LRRFIP2: variants seen among roughly 807,000 people sequenced by gnomAD.
LRRFIP2 encodes the protein leucine-rich repeat flightless-interacting protein 2.
LRRFIP2 carries 109 observed loss-of-function variants against 125.9 expected under a neutral mutation model. That is an observed-to-expected ratio of 0.87 (90% CI 0.74 to 1.01). LRRFIP2 has a LOEUF of 1.01. LRRFIP2 is among the 50% of genes least tolerant of loss of function. The pLI is 0.00. For synonymous variants in LRRFIP2, 291 were observed against 293.1 expected (o/e 0.99, Z 0.07); for missense variants, 850 against 862.3 (o/e 0.99, Z 0.18).
At position 37,109,652 on chromosome 3, in the gene LRRFIP2, C is replaced by T. The variant is rs1016353020; in HGVS notation, c.564+1G>A. ...CAGAACATTCCTCAGAAAGTACTAA[C>T]CCTGTCACTCTTATATGTTGCCAGA... On this transcript the variant is annotated splice_donor_variant, in intron 10 of 27. Coordinates refer to ENST00000336686, the MANE Select transcript of LRRFIP2 (RefSeq NM_006309.4). LOFTEE classifies it high-confidence loss of function. 3 of 1,614,052 alleles carry T rather than the reference C, an allele frequency of 1.9e-6. No homozygotes were observed. The highest frequency in any genetic ancestry group is 2.5e-6 in the Non-Finnish European group (3 of 1,179,960).
intron 21 of LRRFIP2, among the ~76,000 whole-genome samples, chr3:37,071,618 C>A (rs980580773): frequency 6.6e-6 from 1 of 152,170 alleles, no homozygotes; most frequent in African/African-American, 2.4e-5. Context: ...ATGTTCCTAA[C>A]AACATTCTGA....
chr3:37,094,892 G>C lies in LRRFIP2; in HGVS notation c.935C>G (p.Ser312Cys). 6.2e-7 allele frequency: 1 copy of C among 1,610,028 alleles called. No individual in the cohort carries two copies. Among genetic ancestry groups the C allele is most frequent in the Non-Finnish European group, 8.5e-7 (1 of 1,176,334 alleles). The stretch of plus-strand genomic sequence containing the variant: ...ACTTAGAGGGGTTGTTGCTGAGGCA[G>C]AATTTCGAGATGAAGGCTAGAAAGA... ...ENYTRPSSRNSASATTPLSGN... is the reference protein window; with the variant it reads ...ENYTRPSSRNCASATTPLSGN... The change falls in exon 17 of 28, where the codon TCT (serine) becomes TGT (cysteine). Residue 312 changes from serine to cysteine, a missense_variant. Coordinates refer to ENST00000336686, the MANE Select transcript of LRRFIP2 (RefSeq NM_006309.4).
At chr3:37,111,606 A>G (rs1309322093) in intron 8 of LRRFIP2, among the ~76,000 whole-genome samples, 1 of 152,214 alleles carries the variant, frequency 6.6e-6, no homozygotes, top group East Asian at 1.9e-4. Context: ...ATTGAGGGAG[A>G]GAAAACCATC....
Position 37,108,073 on chromosome 3 carries a change from C to A in LRRFIP2, c.714G>T (p.Gly238=). 6.2e-7 allele frequency: 1 copy of A among 1,613,678 alleles called. No individual in the cohort carries two copies. Among genetic ancestry groups the A allele is most frequent in the Non-Finnish European group, 8.5e-7 (1 of 1,179,708 alleles). ...AGCATGCAGAGACTAGACAGCTCAC[C>A]CCTGGACTGCTTCGGGCTGAACTTA... ...SRISSARSSP[G]FTNDDTASIV... The change falls in exon 13 of 28, where the codon GGG becomes GGT. Residue 238 remains glycine, a splice_region_variant and synonymous_variant. Coordinates refer to ENST00000336686, the MANE Select transcript of LRRFIP2 (RefSeq NM_006309.4).
intron 18 of LRRFIP2, 106 bp from the exon 19 acceptor site, chr3:37,083,912 C>T: frequency 1.2e-6 from 1 of 836,006 alleles, no homozygotes; most frequent in Non-Finnish European, 1.8e-6. Context: ...GATGCATTTT[C>T]ATAAAATACA....
chr3:37,133,928 A>G (rs1013211240), intron 2 of LRRFIP2, among the ~76,000 whole-genome samples: 18 of 152,308 alleles, frequency 1.2e-4, no homozygotes, highest in African/African-American at 4.3e-4. Context: ...CCCAACTGTT[A>G]TAATAAAGTT....
At chr3:37,077,154 A>G (rs1361228239) in intron 19 of LRRFIP2, among the ~76,000 whole-genome samples, 1 of 152,212 alleles carries the variant, frequency 6.6e-6, no homozygotes, top group Non-Finnish European at 1.5e-5. Flanking sequence ...CTGCAAAACT[A>G]CATACCTTTC....
intron 1 of LRRFIP2, among the ~76,000 whole-genome samples, chr3:37,166,962 CAG>C (rs2096504257): frequency 6.6e-6 from 1 of 151,618 alleles, no homozygotes; most frequent in Non-Finnish European, 1.5e-5. Context: ...TTGCAGTGAG[CAG>C]AGATAGCGCC....
At chr3:37,063,676 A>T in intron 24 of LRRFIP2, 66 bp downstream of exon 24, 3 of 1,152,578 alleles carry the variant, frequency 2.6e-6, no homozygotes, top group Non-Finnish European at 3.9e-6. Context: ...GAACATTTCA[A>T]TTAGCCAGTA....
At chr3:37,055,397 C>T (rs1184430518) in intron 25 of LRRFIP2, among the ~76,000 whole-genome samples, 1 of 152,124 alleles carries the variant, frequency 6.6e-6, no homozygotes, top group Non-Finnish European at 1.5e-5. Flanking sequence ...GAAACCCTGT[C>T]TCTACTAAAA....
Position 37,083,905 on chromosome 3 carries a change from G to T in LRRFIP2, c.1108-99C>A, listed in dbSNP as rs1025169856. ...AGCACTGCCACAAACACATAAAGAT[G>T]CATTTTCATAAAATACAAGCGGTTT... On this transcript the variant is annotated intron_variant, in intron 18 of 27. Transcript: ENST00000336686. 6.8e-6 allele frequency: 6 copies of T among 885,850 alleles called. No homozygotes were observed. In the African/African-American group the frequency reaches 8.9e-5, roughly 13 times the overall value. 54.9% of individuals were successfully genotyped at this position (885,850 alleles called of 1,614,324 possible).
At chr3:37,088,101 T>G (rs2093193341) in intron 18 of LRRFIP2, among the ~76,000 whole-genome samples, 1 of 152,222 alleles carries the variant, frequency 6.6e-6, no homozygotes, top group Non-Finnish European at 1.5e-5. Context: ...GTGTTAATGT[T>G]TAAGCATTGA....
rs752833407 is a variant in LRRFIP2 at position 37,053,803 on chromosome 3, T to C, written c.*48A>G. 22 of 1,307,274 alleles carry C rather than the reference T, an allele frequency of 1.7e-5. No homozygotes were observed. In the African/African-American group the frequency reaches 2.9e-4, roughly 17 times the overall value. 81.0% of individuals were successfully genotyped at this position (1,307,274 alleles called of 1,614,324 possible). On this transcript the variant is annotated 3_prime_UTR_variant, in exon 28 of 28. Transcript: ENST00000336686. ...GTGTCAATGGACAAAAGTCAGTCCC[T>C]CTAGGTAGGGCCCCAAGGAGCATCA...
At chr3:37,142,443 G>A (rs546445586) in intron 2 of LRRFIP2, among the ~76,000 whole-genome samples, 3 of 151,964 alleles carry the variant, frequency 2.0e-5, no homozygotes, top group African/African-American at 4.8e-5. Flanking sequence ...TACCATGCTC[G>A]GCCAACCCAA....
At position 37,058,841 on chromosome 3, in the gene LRRFIP2, C is replaced by T. The variant is rs746909187; in HGVS notation, c.1819G>A (p.Asp607Asn). The change falls in exon 25 of 28, where the codon GAC (aspartate) becomes AAC (asparagine). Residue 607 changes from aspartate to asparagine, a missense_variant. Transcript: ENST00000336686. ...KCSRNDGTVG[D>N]LAGLQNGSDL... ...GAGCCATTCTGCAGTCCTGCCAGGT[C>T]ACCCACTGTGCCATCATTCCTGGAG... 5.6e-6 allele frequency: 9 copies of T among 1,613,982 alleles called. No individual in the cohort carries two copies. The highest frequency in any genetic ancestry group is 7.6e-6 in the Non-Finnish European group (9 of 1,180,004).
At chr3:37,058,072 T>C (rs981852204) in intron 25 of LRRFIP2, among the ~76,000 whole-genome samples, 1 of 152,188 alleles carries the variant, frequency 6.6e-6, no homozygotes, top group African/African-American at 2.4e-5. Flanking sequence ...TCCAAATAGA[T>C]TCGTCCAATT....
At chr3:37,084,208 C>T (rs9846039) in intron 18 of LRRFIP2, among the ~76,000 whole-genome samples, 55,053 of 152,078 alleles carry the variant, frequency 0.36, 10,937 homozygotes, top group Non-Finnish European at 0.45. Flanking sequence ...TCTCTTTACA[C>T]AGGTGAACTT....
chr3:37,161,932 C>T (rs1187572432), intron 1 of LRRFIP2, among the ~76,000 whole-genome samples: 2 of 151,240 alleles, frequency 1.3e-5, no homozygotes, highest in African/African-American at 2.4e-5. Flanking sequence ...TCTGTAATCC[C>T]AACATTTTGG....
chr3:37,122,149 T>C (rs968328847), intron 4 of LRRFIP2, among the ~76,000 whole-genome samples: 5 of 144,670 alleles, frequency 3.5e-5, no homozygotes, highest in Non-Finnish European at 7.5e-5. Context: ...TTCCCACCTA[T>C]GAGTGAGAAC....
Sources: gnomAD v4.1 joint callset for allele counts (sites outside exome capture counted in the v4.1 genomes callset) on GRCh38, gnomAD v4.1.1 for gene constraint, MANE v1.5 for transcripts, NCBI Gene and HGNC (gene_info 2026-07-23, HGNC 2026-07-21) for gene names.